The following CNOT1 variants were observed in gnomAD, a reference collection of about 807,000 sequenced individuals.
CNOT1 encodes the protein CCR4-NOT transcription complex subunit 1.
CNOT1 carries 15 observed loss-of-function variants against 273.8 expected under a neutral mutation model. The observed-to-expected ratio is 0.05, with a 90% CI of 0.04 to 0.08. The LOEUF (loss-of-function observed/expected upper bound fraction) is 0.08, where lower values mean the gene tolerates loss of function less well. Ranked by LOEUF, CNOT1 falls within the 10% of genes least tolerant of loss-of-function variation. The probability of loss-of-function intolerance (pLI) is 1.00; values close to 1 mark genes in which losing one functional copy is unlikely to be tolerated. For missense variants in CNOT1, 1,644 were observed against 2,912.2 expected (o/e 0.56, Z 10.02); for synonymous variants, 1,022 against 1,005.5 (o/e 1.02, Z -0.31).
At chr16:58,624,610 C>T (rs1282071106) in intron 1 of CNOT1, 1 of 152,106 alleles carries the variant, frequency 6.6e-6, no homozygotes, top group Non-Finnish European at 1.5e-5. Context: ...ACCAGCCTGA[C>T]CAACATGGTG....
At chr16:58,616,732 A>AT (rs990668799) in intron 1 of CNOT1, among the ~76,000 whole-genome samples, 4 of 151,950 alleles carry the variant, frequency 2.6e-5, no homozygotes, top group Admixed American at 1.3e-4. Flanking sequence ...ATTTGGCAGC[A>AT]TTTTTTTCAA....
intron 34 of CNOT1, among the ~76,000 whole-genome samples, chr16:58,541,282 G>A (rs1177968285): frequency 6.6e-6 from 1 of 152,046 alleles, no homozygotes; most frequent in Admixed American, 6.6e-5. Context: ...TAATTAGGCC[G>A]AACATTAAAG....
Position 58,520,888 on chromosome 16 carries a change from TTCAG to T in CNOT1, c.*66_*69del, listed in dbSNP as rs1434983680. The T allele has an allele frequency of 1.1e-5, 16 of 1,488,456 alleles. No individual in the cohort carries two copies. Among genetic ancestry groups the T allele is most frequent in the Admixed American group, 8.4e-5 (5 of 59,722 alleles). The allele number at this position is 1,488,456 out of a possible 1,614,324, so 92.2% of individuals were successfully genotyped here. A position where few individuals can be genotyped will look rare whatever the true frequency, so the allele number is the denominator to read the frequency against. ...AAGTCAGGAAGAGCTGAAAGGATTC[TTCAG>T]TCAGTTTATGAACTCGGTGCAGTGA... On this transcript the variant is annotated 3_prime_UTR_variant, in exon 49 of 49. Transcript: ENST00000317147.
chr16:58,523,236 C>T (rs2039470192), intron 47 of CNOT1, 134 bp downstream of exon 47: 1 of 897,444 alleles, frequency 1.1e-6, no homozygotes, highest in Non-Finnish European at 1.6e-6. Flanking sequence ...CAGAGCAACA[C>T]TCCGTCTCAA....
intron 12 of CNOT1, 100 bp downstream of exon 12, chr16:58,580,533 T>C: frequency 6.9e-7 from 1 of 1,449,612 alleles, no homozygotes; most frequent in Non-Finnish European, 9.1e-7. Context: ...AACTACTGCT[T>C]CATTTAAACC....
chr16:58,576,655 T>A, intron 13 of CNOT1, 73 bp from the exon 14 acceptor site: 1 of 1,586,500 alleles, frequency 6.3e-7, no homozygotes, highest in Non-Finnish European at 8.6e-7. Flanking sequence ...AATGCCCAGT[T>A]AATTTTGCTA....
intron 8 of CNOT1, among the ~76,000 whole-genome samples, chr16:58,584,152 A>T (rs1221637167): frequency 6.7e-6 from 1 of 149,408 alleles, no homozygotes; most frequent in Non-Finnish European, 1.5e-5. Context: ...TGGGCAACAG[A>T]GCAACACTCC....
intron 6 of CNOT1, 57 bp downstream of exon 6, chr16:58,587,144 A>G: frequency 6.3e-7 from 1 of 1,582,366 alleles, no homozygotes; most frequent in African/African-American, 1.4e-5. Flanking sequence ...CCTCATGATT[A>G]AAAACCCACG....
At chr16:58,607,200 A>T (rs910104734) in intron 1 of CNOT1, among the ~76,000 whole-genome samples, 1 of 152,182 alleles carries the variant, frequency 6.6e-6, no homozygotes, top group Non-Finnish European at 1.5e-5. Context: ...AGAAATCTAC[A>T]CACCTCCAAA....
In CNOT1 at chr16:58,576,782, A is replaced by C. The variant is rs552293751; in HGVS notation, c.1585-200T>G. 6.6e-5 allele frequency among the ~76,000 whole-genome samples: 10 copies of C among 152,344 alleles called. No individual in the cohort carries two copies. In the East Asian group the frequency reaches 1.3e-3, roughly 21 times the overall value. ...AGTTACCTCCACATATTCCAAATAA[A>C]GCCTGTTCCTAAACTTGGGTCATAT... On this transcript the variant is annotated intron_variant, in intron 13 of 48. Coordinates refer to ENST00000317147, the MANE Select transcript of CNOT1 (RefSeq NM_016284.5).
chr16:58,533,493 G>A (rs1475100287), intron 40 of CNOT1, among the ~76,000 whole-genome samples: 8 of 152,112 alleles, frequency 5.3e-5, no homozygotes, highest in African/African-American at 1.4e-4. Context: ...AAAATTAGCC[G>A]GGCGCGGTGG....
At chr16:58,543,474 A>C in intron 31 of CNOT1, 133 bp downstream of exon 31, 1 of 1,513,626 alleles carries the variant, frequency 6.6e-7, no homozygotes, top group South Asian at 1.3e-5. Context: ...AAAATGATGG[A>C]AGACATCAAA....
chr16:58,586,025 C>G lies in CNOT1; in HGVS notation c.638-519G>C, dbSNP rs1444352763. 2.0e-5 allele frequency among the ~76,000 whole-genome samples: 3 copies of G among 151,210 alleles called. No individual in the cohort carries two copies. The Admixed American group carries it at 2.0e-4, about 10-fold the overall frequency. On this transcript the variant is annotated intron_variant, in intron 7 of 48. Transcript: ENST00000317147. The stretch of plus-strand genomic sequence containing the variant: ...CTTATCTTTCTCAAACATGAAAGCT[C>G]AGAGGCAACAAAATAACTAGGATTT...
chr16:58,546,487 C>T lies in CNOT1; in HGVS notation c.3840G>A (p.Lys1280=). The change falls in exon 29 of 49, where the codon AAG becomes AAA. Residue 1280 remains lysine (K), a synonymous_variant. Coordinates refer to ENST00000317147, the MANE Select transcript of CNOT1 (RefSeq NM_016284.5). ...HQEHDLKLNL[K]FEIEVLCKNL... ...TCTTGCAGAGAACCTCGATTTCAAA[C>T]TTCAAGTTTAACTGCACAGTTCCAG... is the stretch of plus-strand genomic sequence containing the variant. 1 of 1,613,460 alleles carries T rather than the reference C, an allele frequency of 6.2e-7. No individual in the cohort carries two copies. The highest frequency in any genetic ancestry group is 8.5e-7 in the Non-Finnish European group (1 of 1,179,820).
Position 58,599,364 on chromosome 16 carries a change from C to T in CNOT1, c.-27G>A, listed in dbSNP as rs754263334. 1.9e-6 allele frequency: 3 copies of T among 1,613,890 alleles called. No individual in the cohort carries two copies. The highest frequency in any genetic ancestry group is 2.5e-6 in the Non-Finnish European group (3 of 1,179,968). ...GCTGGTTGGGGCGGAAGCAGGCGGC[C>T]GAGCCCGGCGCAAAATCACCATTAT... On this transcript the variant is annotated 5_prime_UTR_variant, in exon 2 of 49. Transcript: ENST00000317147.
At position 58,578,768 on chromosome 16, in the gene CNOT1, A is replaced by T. The variant is rs1157578813; in HGVS notation, c.1515T>A (p.Thr505=). 1.2e-6 allele frequency: 2 copies of T among 1,614,166 alleles called. No individual in the cohort carries two copies. The highest frequency in any genetic ancestry group is 1.7e-6 in the Non-Finnish European group (2 of 1,180,034). Residue 505 remains threonine, a synonymous_variant, in exon 13 of 49, where the codon ACT becomes ACA. Coordinates refer to ENST00000317147, the MANE Select transcript of CNOT1 (RefSeq NM_016284.5). ...WHTLRHELIS[T]LMPIFLGNHP... is the part of the protein sequence containing the mutation. ...GGTTTCCAAGGAAAATTGGCATCAG[A>T]GTGGAGATAAGTTCATGGCGCAAGG...
At chr16:58,574,848 A>C (rs544127211) in intron 15 of CNOT1, 88 bp from the exon 16 acceptor site, 2 of 1,562,604 alleles carry the variant, frequency 1.3e-6, no homozygotes, top group African/African-American at 2.8e-5. Flanking sequence ...TATAACTAAA[A>C]TCCAAAATAA....
At chr16:58,623,757 G>A (rs1411761473) in intron 1 of CNOT1, among the ~76,000 whole-genome samples, 2 of 152,138 alleles carry the variant, frequency 1.3e-5, no homozygotes, top group African/African-American at 4.8e-5. Flanking sequence ...GGGAGGCTGA[G>A]GTGGGTCGAT....
intron 1 of CNOT1, among the ~76,000 whole-genome samples, chr16:58,612,813 C>T (rs2042945911): frequency 6.6e-6 from 1 of 152,124 alleles, no homozygotes; most frequent in African/African-American, 2.4e-5. Flanking sequence ...GGGGCAGTTC[C>T]AAAAGGTTGG....
Sources: allele counts gnomAD v4.1 joint callset (sites outside exome capture counted in the v4.1 genomes callset), GRCh38; gene constraint gnomAD v4.1.1; transcripts MANE v1.5; gene names NCBI Gene and HGNC (gene_info 2026-07-23, HGNC 2026-07-21).